Variants in SPAG16 observed in about 807,000 individuals in gnomAD.
SPAG16 encodes sperm-associated antigen 16 protein.
A neutral mutation model predicts 80.4 loss-of-function variants in SPAG16; 86 were observed. That is an observed-to-expected ratio of 1.07 (90% CI 0.90 to 1.28). The LOEUF (loss-of-function observed/expected upper bound fraction) is 1.28, where lower values mean the gene tolerates loss of function less well. SPAG16 is among the 50% of genes most tolerant of loss of function. The pLI is 0.00. For synonymous variants in SPAG16, 294 were observed against 265.9 expected, an observed-to-expected ratio of 1.11 and a Z score of -1.03; for missense variants, 870 against 765.3, an observed-to-expected ratio of 1.14 and a Z score of -1.61.
At chr2:213,727,221 T>A (rs1312572940) in intron 10 of SPAG16, among the ~76,000 whole-genome samples, 3 of 152,210 alleles carry the variant, frequency 2.0e-5, no homozygotes. Context: ...AATCAATTAA[T>A]CATTTGTGCT....
chr2:213,352,450 A>C (rs944820491), intron 7 of SPAG16, among the ~76,000 whole-genome samples: 1 of 152,110 alleles, frequency 6.6e-6, no homozygotes, highest in African/African-American at 2.4e-5. Context: ...GGCCAAGCTT[A>C]AGCTTTTGCT....
chr2:213,875,316 A>C (rs1271310383), intron 11 of SPAG16, among the ~76,000 whole-genome samples: 1 of 152,116 alleles, frequency 6.6e-6, no homozygotes, highest in African/African-American at 2.4e-5. Context: ...AGTAAGCAGA[A>C]GAATTAAGAT....
intron 3 of SPAG16, 82 bp from the exon 4 acceptor site, chr2:213,309,977 A>T (rs779509508): frequency 1.2e-4 from 95 of 821,314 alleles, no homozygotes; most frequent in Admixed American, 2.3e-4. Flanking sequence ...GAATGGATGA[A>T]TGAATGAGTC....
Position 213,339,188 on chromosome 2 carries a change from C to T in SPAG16, c.537-975C>T, listed in dbSNP as rs773800730. 5.7e-4 allele frequency among the ~76,000 whole-genome samples: 87 copies of T among 152,278 alleles called. 1 individual carries two copies. The highest frequency in any genetic ancestry group is 3.4e-3 in the Middle Eastern group (1 of 294). On this transcript the variant is annotated intron_variant, in intron 5 of 15. Transcript: ENST00000331683. ...TAAACATCTTTGGTAGCATCCCATA[C>T]GCTGATCCTCAGTGATTGACTTCTG...
At chr2:213,584,654 G>A (rs1032431178) in intron 10 of SPAG16, among the ~76,000 whole-genome samples, 3 of 151,998 alleles carry the variant, frequency 2.0e-5, no homozygotes, top group African/African-American at 7.2e-5. Flanking sequence ...ACGGACAGAC[G>A]GACGGATGGA....
At chr2:213,286,632 C>T (rs897948154) in intron 1 of SPAG16, among the ~76,000 whole-genome samples, 1 of 152,198 alleles carries the variant, frequency 6.6e-6, no homozygotes, top group Non-Finnish European at 1.5e-5. Context: ...ACAGATGAAT[C>T]AGAAATCTGA....
intron 14 of SPAG16, among the ~76,000 whole-genome samples, chr2:214,112,148 T>C (rs1291779854): frequency 6.6e-6 from 1 of 152,218 alleles, no homozygotes; most frequent in African/African-American, 2.4e-5. Context: ...TCCTGAGTTC[T>C]AGTTTGATTG....
chr2:214,062,678 T>TC, intron 13 of SPAG16, among the ~76,000 whole-genome samples: 1 of 149,894 alleles, frequency 6.7e-6, no homozygotes, highest in Admixed American at 6.6e-5. Flanking sequence ...TTTTTTTTTT[T>TC]TTTTTTTTTA....
chr2:213,650,560 G>T (rs763183960), intron 10 of SPAG16, among the ~76,000 whole-genome samples: 1 of 152,086 alleles, frequency 6.6e-6, no homozygotes, highest in Non-Finnish European at 1.5e-5. Flanking sequence ...AACAATACTT[G>T]TTATATGTGT....
intron 10 of SPAG16, among the ~76,000 whole-genome samples, chr2:213,528,588 T>C (rs2125875550): frequency 6.6e-6 from 1 of 152,256 alleles, no homozygotes; most frequent in Non-Finnish European, 1.5e-5. Context: ...GACTTGTTAC[T>C]TCCCTACTGA....
At chr2:213,291,252 T>C (rs2062262652) in intron 1 of SPAG16, among the ~76,000 whole-genome samples, 1 of 152,216 alleles carries the variant, frequency 6.6e-6, no homozygotes, top group Non-Finnish European at 1.5e-5. Context: ...TGTGTGTATT[T>C]GCAAACTGTA....
chr2:214,216,446 C>T (rs1309788755), intron 15 of SPAG16, among the ~76,000 whole-genome samples: 1 of 152,164 alleles, frequency 6.6e-6, no homozygotes, highest in African/African-American at 2.4e-5. Flanking sequence ...CTCAGCCTAC[C>T]AAGTAGCTGG....
At chr2:213,745,518 C>CAA (rs1427360647) in intron 10 of SPAG16, among the ~76,000 whole-genome samples, 1 of 152,200 alleles carries the variant, frequency 6.6e-6, no homozygotes, top group African/African-American at 2.4e-5. Flanking sequence ...GCTGAGAGTA[C>CAA]AGGCGTGAGC....
chr2:213,758,669 AG>A (rs2068478849), intron 10 of SPAG16, among the ~76,000 whole-genome samples: 1 of 152,352 alleles, frequency 6.6e-6, no homozygotes, highest in Non-Finnish European at 1.5e-5. Flanking sequence ...AATTGAAAAA[AG>A]TAAACAGAGT....
intron 15 of SPAG16, among the ~76,000 whole-genome samples, chr2:214,250,733 GATATATATATAT>G (rs59644776): frequency 3.6e-5 from 4 of 112,358 alleles, no homozygotes; most frequent in African/African-American, 1.0e-4. Context: ...GGAGCTTTGA[GATATATATATAT>G]ATATATATAT....
chr2:214,188,851 A>G (rs1452905270), intron 15 of SPAG16, among the ~76,000 whole-genome samples: 1 of 152,132 alleles, frequency 6.6e-6, no homozygotes. Context: ...TCATCAACTA[A>G]TTTGATGATA....
chr2:214,075,251 A>G (rs916532441), intron 13 of SPAG16, among the ~76,000 whole-genome samples: 1 of 151,836 alleles, frequency 6.6e-6, no homozygotes, highest in Non-Finnish European at 1.5e-5. Context: ...CTTCTCTTTC[A>G]GTAATAATAC....
At chr2:213,724,314 A>C (rs1378857940) in intron 10 of SPAG16, among the ~76,000 whole-genome samples, 1 of 152,216 alleles carries the variant, frequency 6.6e-6, no homozygotes, top group African/African-American at 2.4e-5. Context: ...GTAAAACACA[A>C]AGGTATTTTA....
intron 12 of SPAG16, among the ~76,000 whole-genome samples, chr2:214,008,452 T>A (rs1259184893): frequency 6.6e-6 from 1 of 151,876 alleles, no homozygotes. Flanking sequence ...AAAAAAAAAA[T>A]TACATGCTGG....
Sources: allele counts gnomAD v4.1 joint callset (sites outside exome capture counted in the v4.1 genomes callset), GRCh38; gene constraint gnomAD v4.1.1; transcripts MANE v1.5; gene names NCBI Gene and HGNC (gene_info 2026-07-23, HGNC 2026-07-21).